Variants in CARS2 observed in about 807,000 individuals in gnomAD.
CARS2 encodes probable cysteine--tRNA ligase, mitochondrial.
In CARS2, 52 loss-of-function variants were observed where a neutral mutation model predicts 68.8. That is an observed-to-expected ratio of 0.76 (90% confidence interval 0.61 to 0.95). CARS2 has a LOEUF of 0.95. Ranked by LOEUF, CARS2 falls within the 40% of genes least tolerant of loss-of-function variation. The probability of loss-of-function intolerance (pLI) is 0.00; values close to 1 mark genes in which losing one functional copy is unlikely to be tolerated. For missense variants in CARS2, 780 were observed against 754.2 expected, an observed-to-expected ratio of 1.03 and a Z score of -0.40; for synonymous variants, 314 against 303.6, an observed-to-expected ratio of 1.03 and a Z score of -0.36.
chr13:110,687,719 A>G lies in CARS2; in HGVS notation c.571+2T>C, dbSNP rs749363417. On this transcript the variant is annotated splice_donor_variant, in intron 5 of 14. Coordinates refer to ENST00000257347, the MANE Select transcript of CARS2 (RefSeq NM_024537.4). LOFTEE classifies it high-confidence loss of function. ...AAAAAAAAAAAAGAACATAAACCCT[A>G]CCTTTTGCCGTTGAATAAGCGTTCC... 6.4e-7 allele frequency: 1 copy of G among 1,559,560 alleles called. No homozygotes were observed.
intron 10 of CARS2, among the ~76,000 whole-genome samples, chr13:110,649,934 T>G (rs962919143): frequency 1.6e-4 from 11 of 67,250 alleles, no homozygotes; most frequent in African/African-American, 6.2e-4. Context: ...ATAACGACTT[T>G]TTTTTTTTTT....
chr13:110,644,416 T>G lies in CARS2; in HGVS notation c.1385A>C (p.Glu462Ala). 6.2e-7 allele frequency: 1 copy of G among 1,614,066 alleles called. No homozygotes were observed. The highest frequency in any genetic ancestry group is 8.5e-7 in the Non-Finnish European group (1 of 1,180,020). Residue 462 changes from glutamate (E) to alanine (A), a missense_variant, in exon 13 of 15, where the codon GAA (glutamate) becomes GCA (alanine). Physicochemically the swap from Glu to Ala is moderately radical, Grantham distance 107. Transcript: ENST00000257347. Reference protein sequence around the residue: ...AIISYFEQFFETVGISLANQQ... With the variant: ...AIISYFEQFFATVGISLANQQ... ...ATTTGCCAGAGAAATTCCAACAGTT[T>G]CAAAAAACTGTTCAAAGTAAGAGAT...
chr13:110,656,901 AAC>A (rs1164031848), intron 9 of CARS2, among the ~76,000 whole-genome samples: 1 of 152,108 alleles, frequency 6.6e-6, no homozygotes, highest in Admixed American at 6.5e-5. Flanking sequence ...AAAAAAAAAA[AAC>A]GTTCTTAGAT....
At chr13:110,683,582 G>C (rs1356162820) in intron 5 of CARS2, among the ~76,000 whole-genome samples, 1 of 152,342 alleles carries the variant, frequency 6.6e-6, no homozygotes, top group East Asian at 1.9e-4. Context: ...TGTTATCACT[G>C]ACCTTCATTT....
intron 7 of CARS2, among the ~76,000 whole-genome samples, chr13:110,672,008 GAACT>G (rs2062816535): frequency 6.6e-6 from 1 of 152,172 alleles, no homozygotes; most frequent in African/African-American, 2.4e-5. Context: ...TCAACAAGAA[GAACT>G]AACTATCCTA....
At position 110,713,017 on chromosome 13, in the gene CARS2, C is replaced by T. The variant is rs746618373; in HGVS notation, n.399+120G>A. ...CACTCTGCGGCCGCAGCTCAAAGGA[C>T]ACCGAGAGGGTGCCAGTGCGCATGC... On this transcript the variant is annotated intron_variant and non_coding_transcript_variant, in intron 1 of 2. Coordinates refer to the CARS2 transcript ENST00000485188. 21 of 1,517,322 alleles carry T rather than the reference C, an allele frequency of 1.4e-5. No homozygotes were observed. The Admixed American group carries it at 1.6e-4, about 12-fold the overall frequency. 94.0% of individuals were successfully genotyped at this position (1,517,322 alleles called of 1,614,324 possible).
At chr13:110,650,957 T>G in intron 10 of CARS2, 77 bp downstream of exon 10, 1 of 1,044,046 alleles carries the variant, frequency 9.6e-7, no homozygotes, top group Non-Finnish European at 1.5e-6. Flanking sequence ...CTGGCCTGCA[T>G]TTTGCTGTTT....
At chr13:110,712,530 A>AGTGG (rs1555306512) in intron 1 of CARS2, 2 of 246,688 alleles carry the variant, frequency 8.1e-6, no homozygotes, top group Non-Finnish European at 1.6e-5. Context: ...TTTGGCCGGA[A>AGTGG]GGGGGGGGGC....
At chr13:110,641,882 A>C (rs1005227073) in intron 14 of CARS2, among the ~76,000 whole-genome samples, 1 of 152,062 alleles carries the variant, frequency 6.6e-6, no homozygotes, top group Non-Finnish European at 1.5e-5. Context: ...CTCCCACCTC[A>C]TTTTTTATGG....
chr13:110,651,704 C>T (rs897169087), intron 9 of CARS2, among the ~76,000 whole-genome samples: 40 of 152,324 alleles, frequency 2.6e-4, no homozygotes, highest in Admixed American at 2.0e-4. Context: ...AGAACCCAAC[C>T]GGTATCCTCC....
At position 110,668,028 on chromosome 13, in the gene CARS2, C is replaced by T. The variant is rs1012285677; in HGVS notation, c.786-555G>A. Among the ~76,000 whole-genome samples the T allele has an allele frequency of 6.6e-6, 1 of 152,234 alleles. No homozygotes were observed. The highest frequency in any genetic ancestry group is 2.4e-5 in the African/African-American group (1 of 41,462). On this transcript the variant is annotated intron_variant, in intron 7 of 14. Transcript: ENST00000257347. The surrounding 1 kb of genome is among the most constrained non-coding windows in gnomAD (Gnocchi z 4.1). ...TGAGGCTGGGCCAGCCCACTCGAAG[C>T]TCTGTCCCTGGACCAGCTGCAGAAG...
At chr13:110,711,226 CT>C (rs560871321), upstream of CARS2, among the ~76,000 whole-genome samples, 58 of 91,376 alleles carry the variant, frequency 6.3e-4, no homozygotes, top group Middle Eastern at 5.3e-3. Context: ...CTTTTTTTCT[CT>C]TTTTTTCCGG....
In CARS2 at chr13:110,642,487, T is replaced by C. The variant is rs373027990; in HGVS notation, c.1451A>G (p.His484Arg). 4.3e-6 allele frequency: 7 copies of C among 1,610,120 alleles called. No homozygotes were observed. The African/African-American group carries it at 5.3e-5, about 12-fold the overall frequency. The change falls in exon 14 of 15, where the codon CAT becomes CGT. Residue 484 changes from histidine to arginine, a missense_variant. Transcript: ENST00000257347. ...CCGCACCAGCTCGTCCACCACACCA[T>C]GCAAGGTAGCCTCGCTGCCGTCTCC... is the stretch of plus-strand genomic sequence containing the variant. ...VSGDGSEATL[H>R]GVVDELVRFR...
At chr13:110,713,287 G>T (rs1028746576) in exon 1 of CARS2, 2 of 1,284,164 alleles carry the variant, frequency 1.6e-6, no homozygotes, top group Middle Eastern at 3.0e-4. Context: ...AGCGAGTTGC[G>T]GTAGTTGCTG....
In CARS2 at chr13:110,649,931, C is replaced by CTGT. The variant is rs1249270267; in HGVS notation, c.1054+1102_1054+1103insACA. 9.6e-5 allele frequency among the ~76,000 whole-genome samples: 7 copies of CTGT among 73,146 alleles called. 1 individual carries two copies. The highest frequency in any genetic ancestry group is 5.8e-4 in the South Asian group (1 of 1,724). The allele number at this position is 73,146 out of a possible 152,430, so 48.0% of individuals were successfully genotyped here. A position where few individuals can be genotyped will look rare whatever the true frequency, so the allele number is the denominator to read the frequency against. ...CCAGGGATGCAGCTCTGGATAACGA[C>CTGT]TTTTTTTTTTTTTTTTTTTTTTTTG... On this transcript the variant is annotated intron_variant, in intron 10 of 14. Coordinates refer to ENST00000257347, the MANE Select transcript of CARS2 (RefSeq NM_024537.4).
At chr13:110,642,552 C>G in intron 13 of CARS2, 31 bp from the exon 14 acceptor site, 2 of 1,591,880 alleles carry the variant, frequency 1.3e-6, no homozygotes, top group Non-Finnish European at 1.7e-6. Flanking sequence ...TTACGTCCCC[C>G]GGAGACTGTG....
rs12100286 is a variant in CARS2, at chr13:110,653,300, T to G, written c.988-2200A>C. On this transcript the variant is annotated intron_variant, in intron 9 of 14. Transcript: ENST00000257347. This position sits in a 1 kb window ranked among gnomAD's most constrained non-coding sequence, Gnocchi z 5.6. ...CTGGAATTCCATTTCCGTCTGTCCA[T>G]CTCCCGGGTGCTCCTTCCCAAATTG... 1.4e-4 allele frequency among the ~76,000 whole-genome samples: 21 copies of G among 151,974 alleles called. No individual in the cohort carries two copies. The highest frequency in any genetic ancestry group is 5.1e-4 in the African/African-American group (21 of 41,352).
intron 3 of CARS2, chr13:110,698,090 C>T (rs1410808439): frequency 2.5e-6 from 1 of 399,122 alleles, no homozygotes; most frequent in East Asian, 7.1e-5. Context: ...TCACTAGTTC[C>T]ACCCCATTTC....
In CARS2 at chr13:110,642,496, G is replaced by A. The variant is rs1263877433; in HGVS notation, c.1442C>T (p.Ala481Val). Residue 481 changes from alanine to valine, a missense_variant, in exon 14 of 15, where the codon GCT (alanine) becomes GTT (valine). Coordinates refer to ENST00000257347, the MANE Select transcript of CARS2 (RefSeq NM_024537.4). ...QQYVSGDGSE[A>V]TLHGVVDELV... ...CTCGTCCACCACACCATGCAAGGTA[G>A]CCTCGCTGCCGTCTCCTGAAACGTA... 7.5e-6 allele frequency: 12 copies of A among 1,608,222 alleles called. No individual in the cohort carries two copies. The highest frequency in any genetic ancestry group is 1.7e-5 in the Admixed American group (1 of 59,504).
Sources: gnomAD v4.1 joint callset for allele counts (sites outside exome capture counted in the v4.1 genomes callset) on GRCh38, gnomAD v4.1.1 for gene constraint, Gnocchi (gnomAD v3.1) non-coding constraint, MANE v1.5 for transcripts, NCBI Gene and HGNC (gene_info 2026-07-23, HGNC 2026-07-21) for gene names.